The following SH3GL3 variants were observed in gnomAD, a reference collection of about 807,000 sequenced individuals.
SH3GL3 encodes SH3 domain containing GRB2 like 3, endophilin A3.
A neutral mutation model predicts 47.7 loss-of-function variants in SH3GL3; 33 were observed. The observed-to-expected ratio is 0.69, with a 90% CI of 0.52 to 0.92. The LOEUF is 0.92. Among genes scored for constraint, SH3GL3 ranks in the 40% least tolerant of loss-of-function variants. The pLI is 0.00. For missense variants in SH3GL3, 363 were observed against 417.8 expected, an observed-to-expected ratio of 0.87 and a Z score of 1.14; for synonymous variants, 155 against 148.8, an observed-to-expected ratio of 1.04 and a Z score of -0.30.
chr15:83,604,002 C>T (rs1421053025), intron 8 of SH3GL3, among the ~76,000 whole-genome samples: 2 of 152,030 alleles, frequency 1.3e-5, no homozygotes, highest in African/African-American at 2.4e-5. Flanking sequence ...GGCATGGTGG[C>T]GCATGCCTGT....
At chr15:83,481,722 C>G (rs748271308) in intron 1 of SH3GL3, among the ~76,000 whole-genome samples, 6 of 152,080 alleles carry the variant, frequency 3.9e-5, no homozygotes, top group Non-Finnish European at 7.4e-5. Context: ...TTTCCCCTGA[C>G]AAAACACCTC....
At chr15:83,566,810 G>A (rs1315250865) in intron 3 of SH3GL3, among the ~76,000 whole-genome samples, 19 of 152,158 alleles carry the variant, frequency 1.2e-4, no homozygotes, top group Non-Finnish European at 2.9e-5. Context: ...AATGTCAGGT[G>A]AATGTGAGTG....
intron 8 of SH3GL3, among the ~76,000 whole-genome samples, chr15:83,591,988 T>TA (rs929632111): frequency 3.9e-5 from 6 of 152,238 alleles, no homozygotes; most frequent in East Asian, 1.9e-4. Context: ...TATACATTTT[T>TA]AAAAAAAACA....
At chr15:83,611,038 CTATA>C (rs368559406) in intron 8 of SH3GL3, among the ~76,000 whole-genome samples, 1 of 148,100 alleles carries the variant, frequency 6.8e-6, no homozygotes, top group Non-Finnish European at 1.5e-5. Flanking sequence ...GTGTGTGTGT[CTATA>C]TATATATATA....
intron 1 of SH3GL3, among the ~76,000 whole-genome samples, chr15:83,486,705 T>C (rs940021829): frequency 4.6e-5 from 7 of 152,216 alleles, no homozygotes; most frequent in African/African-American, 1.4e-4. Context: ...AATGAATACT[T>C]ACCCTAGTCA....
chr15:83,472,596 CTT>C (rs1382203478), intron 1 of SH3GL3, among the ~76,000 whole-genome samples: 1 of 152,166 alleles, frequency 6.6e-6, no homozygotes, highest in South Asian at 2.1e-4. Flanking sequence ...TTTGCTAAGA[CTT>C]TCTATTTTTC....
At chr15:83,566,363 A>AGT (rs1420988424) in intron 3 of SH3GL3, among the ~76,000 whole-genome samples, 6,371 of 127,498 alleles carry the variant, frequency 0.05, 156 homozygotes, top group Non-Finnish European at 0.071. Flanking sequence ...AGAGAGAGAG[A>AGT]GAGTGTGTGT....
At chr15:83,584,350 A>G (rs80194486) in intron 6 of SH3GL3, among the ~76,000 whole-genome samples, 1 of 152,112 alleles carries the variant, frequency 6.6e-6, no homozygotes, top group South Asian at 2.1e-4. Context: ...TAATCTCTTC[A>G]TGTTAAGATC....
chr15:83,534,764 A>G (rs1402104214), intron 1 of SH3GL3, among the ~76,000 whole-genome samples: 1 of 152,230 alleles, frequency 6.6e-6, no homozygotes, highest in African/African-American at 2.4e-5. Flanking sequence ...TTGAGGAAGG[A>G]ATAGAATGAC....
intron 7 of SH3GL3, among the ~76,000 whole-genome samples, 175 bp from the exon 8 acceptor site, chr15:83,588,487 A>G (rs529747526): frequency 4.5e-4 from 69 of 152,228 alleles, no homozygotes; most frequent in Non-Finnish European, 9.1e-4. Context: ...GAAAAACTGC[A>G]TTTGTGATAT....
intron 4 of SH3GL3, among the ~76,000 whole-genome samples, chr15:83,571,672 C>G (rs2045823087): frequency 6.6e-6 from 1 of 152,020 alleles, no homozygotes; most frequent in African/African-American, 2.4e-5. Context: ...TGAAACAACT[C>G]AAAGGTCAGA....
At chr15:83,590,083 T>C (rs1317494976) in intron 8 of SH3GL3, among the ~76,000 whole-genome samples, 3 of 152,216 alleles carry the variant, frequency 2.0e-5, no homozygotes, top group Non-Finnish European at 2.9e-5. Flanking sequence ...CTGAATTGTC[T>C]GTTTATGTCA....
At chr15:83,509,667 G>C (rs910045396) in intron 1 of SH3GL3, among the ~76,000 whole-genome samples, 2 of 152,152 alleles carry the variant, frequency 1.3e-5, no homozygotes, top group African/African-American at 4.8e-5. Flanking sequence ...TAAACTTCTG[G>C]AGAAAGGAAG....
intron 6 of SH3GL3, among the ~76,000 whole-genome samples, chr15:83,582,211 T>C (rs571077650): frequency 2.6e-5 from 4 of 152,336 alleles, no homozygotes; most frequent in African/African-American, 7.2e-5. Context: ...CAAATGTAGG[T>C]CTTTGACATT....
chr15:83,585,299 T>C (rs1269709891), intron 6 of SH3GL3, among the ~76,000 whole-genome samples: 1 of 152,222 alleles, frequency 6.6e-6, no homozygotes, highest in Admixed American at 6.5e-5. Flanking sequence ...CTAGATTACA[T>C]CACCTTGTGT....
intron 1 of SH3GL3, among the ~76,000 whole-genome samples, chr15:83,511,446 T>A (rs1343335096): frequency 6.6e-6 from 1 of 152,214 alleles, no homozygotes; most frequent in Non-Finnish European, 1.5e-5. Context: ...AAATCTGAAT[T>A]TACGTGACGT....
chr15:83,516,564 A>G (rs1039769641), intron 1 of SH3GL3, among the ~76,000 whole-genome samples: 7 of 152,178 alleles, frequency 4.6e-5, no homozygotes, highest in African/African-American at 1.7e-4. Context: ...GGAAGATAAC[A>G]ATCACAGTGG....
At chr15:83,528,708 T>G (rs2043531298) in intron 1 of SH3GL3, among the ~76,000 whole-genome samples, 2 of 152,176 alleles carry the variant, frequency 1.3e-5, no homozygotes, top group Admixed American at 1.3e-4. Flanking sequence ...TCTGAATTGT[T>G]TTTCTGGTAT....
intron 1 of SH3GL3, among the ~76,000 whole-genome samples, chr15:83,541,080 C>T (rs2044129963): frequency 6.6e-6 from 1 of 152,092 alleles, no homozygotes; most frequent in Non-Finnish European, 1.5e-5. Context: ...AACATAATGT[C>T]CTCCACTTCC....
Sources: gnomAD v4.1 joint callset for allele counts (sites outside exome capture counted in the v4.1 genomes callset) on GRCh38, gnomAD v4.1.1 for gene constraint, MANE v1.5 for transcripts, NCBI Gene and HGNC (gene_info 2026-07-23, HGNC 2026-07-21) for gene names.